The following PTPRM variants were observed in gnomAD, a reference collection of about 807,000 sequenced individuals.
The protein encoded by PTPRM is protein tyrosine phosphatase receptor type M.
In PTPRM, 47 loss-of-function variants were observed where a neutral mutation model predicts 186.7. The ratio of observed to expected loss-of-function variants is 0.25; its 90% CI spans 0.20 to 0.32. The LOEUF (loss-of-function observed/expected upper bound fraction) is 0.32. Ranked by LOEUF, PTPRM falls within the 10% of genes least tolerant of loss-of-function variation. The probability of loss-of-function intolerance (pLI) is 1.00; values close to 1 mark genes in which losing one functional copy is unlikely to be tolerated. For synonymous variants in PTPRM, 668 were observed against 674.9 expected (o/e 0.99, Z 0.16); for missense variants, 1,494 against 1,865.0 (o/e 0.80, Z 3.66).
chr18:8,262,701 A>G (rs1046867898), intron 19 of PTPRM, among the ~76,000 whole-genome samples: 2 of 152,218 alleles, frequency 1.3e-5, no homozygotes, highest in Admixed American at 1.3e-4. Context: ...AGTAGGCAAT[A>G]TATTAACTGA....
At chr18:8,179,201 A>G (rs1396999947) in intron 14 of PTPRM, among the ~76,000 whole-genome samples, 4 of 152,240 alleles carry the variant, frequency 2.6e-5, no homozygotes, top group Non-Finnish European at 1.5e-5. Context: ...ACTTATGCAA[A>G]TAATGTAAGT....
intron 1 of PTPRM, among the ~76,000 whole-genome samples, chr18:7,606,415 C>T (rs561656742): frequency 2.6e-5 from 4 of 152,196 alleles, no homozygotes; most frequent in Admixed American, 1.3e-4. Flanking sequence ...TTCTTTTTCT[C>T]CCCTTCCCAG....
intron 7 of PTPRM, among the ~76,000 whole-genome samples, chr18:8,068,676 G>GC (rs1351205151): frequency 6.6e-6 from 1 of 152,138 alleles, no homozygotes; most frequent in African/African-American, 2.4e-5. Flanking sequence ...AAAAATACCT[G>GC]CTCTGCTCAG....
In PTPRM at chr18:7,914,988, G is replaced by A. The variant is rs140163850; in HGVS notation, c.547+8405G>A. Among the ~76,000 whole-genome samples, 589 of 152,216 alleles carry A rather than the reference G, an allele frequency of 3.9e-3. 4 individuals carry two copies. Among genetic ancestry groups the A allele is most frequent in the African/African-American group, 0.014 (564 of 41,558 alleles). The stretch of plus-strand genomic sequence containing the variant: ...GACATAGTCCTCTTGTTCCACTTCA[G>A]TTTGCACTTTGATCTCACAAATTAC... On this transcript the variant is annotated intron_variant, in intron 4 of 32. Transcript: ENST00000580170.
chr18:8,198,451 A>C (rs1021500945), intron 14 of PTPRM, among the ~76,000 whole-genome samples: 3 of 152,142 alleles, frequency 2.0e-5, no homozygotes, highest in Non-Finnish European at 2.9e-5. Flanking sequence ...ACCCGGCCAA[A>C]ATTTTGCCGC....
chr18:8,218,953 C>T (rs991068762), intron 14 of PTPRM, among the ~76,000 whole-genome samples: 4 of 152,148 alleles, frequency 2.6e-5, no homozygotes, highest in African/African-American at 7.2e-5. Context: ...GATTTCTTTC[C>T]AGAGAGGGCT....
chr18:8,124,841 C>A (rs777729898), intron 13 of PTPRM, among the ~76,000 whole-genome samples: 2 of 152,102 alleles, frequency 1.3e-5, no homozygotes, highest in Non-Finnish European at 2.9e-5. Context: ...AAGTCTTCAG[C>A]CATTTTTTGT....
chr18:8,241,939 A>G (rs1291231333), intron 14 of PTPRM, among the ~76,000 whole-genome samples: 1 of 152,156 alleles, frequency 6.6e-6, no homozygotes, highest in Non-Finnish European at 1.5e-5. Context: ...GTGCTTAAAG[A>G]TCAGCAATTA....
At chr18:7,712,803 G>T (rs2040240863) in intron 1 of PTPRM, among the ~76,000 whole-genome samples, 1 of 151,942 alleles carries the variant, frequency 6.6e-6, no homozygotes, top group Non-Finnish European at 1.5e-5. Flanking sequence ...AATAAAGCAT[G>T]AAGAGAAGAT....
chr18:7,799,826 G>A lies in PTPRM; in HGVS notation c.196+25555G>A, dbSNP rs562064071. The stretch of plus-strand genomic sequence containing the variant: ...TTTAAGGTTTTCTGTAGATTATTCT[G>A]TAATTTTTATATGCATATATAACAT... On this transcript the variant is annotated intron_variant, in intron 2 of 32. Transcript: ENST00000580170. 8.5e-5 allele frequency among the ~76,000 whole-genome samples: 13 copies of A among 152,156 alleles called. No homozygotes were observed. The South Asian group carries it at 2.7e-3, about 32-fold the overall frequency.
intron 5 of PTPRM, among the ~76,000 whole-genome samples, chr18:7,948,762 C>T (rs2052728793): frequency 6.6e-6 from 1 of 152,132 alleles, no homozygotes; most frequent in South Asian, 2.1e-4. Flanking sequence ...GTGTTTATTA[C>T]TTCATTTATA....
chr18:7,793,409 T>A (rs1055403639), intron 2 of PTPRM, among the ~76,000 whole-genome samples: 1 of 152,206 alleles, frequency 6.6e-6, no homozygotes, highest in Non-Finnish European at 1.5e-5. Flanking sequence ...ATCCAATTAA[T>A]CATTTTCTTT....
At chr18:8,367,363 G>C (rs1369356861) in intron 23 of PTPRM, among the ~76,000 whole-genome samples, 1 of 152,252 alleles carries the variant, frequency 6.6e-6, no homozygotes, top group Non-Finnish European at 1.5e-5. Context: ...ACGCATTCTA[G>C]AAGGAAGCGG....
chr18:7,788,135 G>A (rs1485500014), intron 2 of PTPRM, among the ~76,000 whole-genome samples: 1 of 152,140 alleles, frequency 6.6e-6, no homozygotes, highest in Non-Finnish European at 1.5e-5. Context: ...AGAAGGAAAA[G>A]AAAGAAGGGA....
chr18:7,957,809 G>A (rs1476881870), intron 7 of PTPRM, among the ~76,000 whole-genome samples: 1 of 152,132 alleles, frequency 6.6e-6, no homozygotes, highest in African/African-American at 2.4e-5. Context: ...CAAGTTAAAG[G>A]GAAACGTGTG....
intron 7 of PTPRM, among the ~76,000 whole-genome samples, chr18:8,004,576 C>T (rs903158119): frequency 6.6e-6 from 1 of 152,022 alleles, no homozygotes; most frequent in Non-Finnish European, 1.5e-5. Context: ...CAGAAGATGA[C>T]TGACCTCTGG....
intron 2 of PTPRM, among the ~76,000 whole-genome samples, chr18:7,778,343 C>T (rs757838054): frequency 1.3e-5 from 2 of 152,134 alleles, no homozygotes; most frequent in Non-Finnish European, 2.9e-5. Context: ...AGCTCTGAGT[C>T]ATCACGGTTT....
At chr18:7,808,363 G>A (rs1568160028) in intron 2 of PTPRM, among the ~76,000 whole-genome samples, 3 of 152,178 alleles carry the variant, frequency 2.0e-5, no homozygotes, top group Non-Finnish European at 4.4e-5. Flanking sequence ...GTAGAGGCGA[G>A]TTAGATTTGG....
In PTPRM at chr18:8,143,647, G is replaced by T; in HGVS notation, c.2168G>T (p.Gly723Val). ...CTTTTTCATTTCCTTTCATCTTCAGGAGCTGCCACTCCGAAACCAGTCCCA... is the reference window on the plus strand; with the variant it reads ...CTTTTTCATTTCCTTTCATCTTCAGTAGCTGCCACTCCGAAACCAGTCCCA... Reference protein sequence around the residue: ...KIDCVQVATKGAATPKPVPEP... With the variant: ...KIDCVQVATKVAATPKPVPEP... The change falls in exon 14 of 33, where the codon GGA becomes GTA. Residue 723 changes from glycine (G) to valine (V), a missense_variant and splice_region_variant. This residue lies in a region of PTPRM where 1,107 missense variants were observed against 1,350.2 expected (regional missense o/e 0.82). Transcript: ENST00000580170. The T allele has an allele frequency of 6.3e-7, 1 of 1,588,212 alleles. No individual in the cohort carries two copies. The highest frequency in any genetic ancestry group is 8.6e-7 in the Non-Finnish European group (1 of 1,156,710).
Sources: allele counts gnomAD v4.1 joint callset (sites outside exome capture counted in the v4.1 genomes callset), GRCh38; gene constraint gnomAD v4.1.1; regional missense constraint gnomAD v4.1.1; transcripts MANE v1.5; gene names NCBI Gene and HGNC (gene_info 2026-07-23, HGNC 2026-07-21).